The following TTLL11 variants were observed in gnomAD, a reference collection of about 807,000 sequenced individuals.
TTLL11 encodes tubulin polyglutamylase TTLL11.
In TTLL11, 42 loss-of-function variants were observed where a neutral mutation model predicts 51.7. That is an observed-to-expected ratio of 0.81 (90% CI 0.64 to 1.05). TTLL11 has a LOEUF of 1.05. Among genes scored for constraint, TTLL11 ranks in the 50% least tolerant of loss-of-function variants. TTLL11 has a pLI of 0.00. For synonymous variants in TTLL11, 381 were observed against 383.5 expected, an observed-to-expected ratio of 0.99 and a Z score of 0.08; for missense variants, 799 against 940.4, an observed-to-expected ratio of 0.85 and a Z score of 1.97.
intron 8 of TTLL11, among the ~76,000 whole-genome samples, chr9:121,843,953 G>C (rs1411152423): frequency 2.6e-5 from 4 of 152,136 alleles, no homozygotes; most frequent in Admixed American, 2.6e-4. Flanking sequence ...GGATTACTTG[G>C]TGTAAGCCAT....
At chr9:121,926,582 G>A (rs1039849279) in intron 6 of TTLL11, among the ~76,000 whole-genome samples, 8 of 152,218 alleles carry the variant, frequency 5.3e-5, no homozygotes, top group Non-Finnish European at 1.2e-4. Flanking sequence ...TGAGGCTGGG[G>A]AGGACAGCAG....
In TTLL11 at chr9:122,059,526, G is replaced by A. The variant is rs116110505; in HGVS notation, c.463-20158C>T. Among the ~76,000 whole-genome samples, 260 of 152,294 alleles carry A rather than the reference G, an allele frequency of 1.7e-3. 1 individual carries two copies. The highest frequency in any genetic ancestry group is 6.1e-3 in the African/African-American group (252 of 41,556). ...AAATGACTCTAGAGATGAATGAGAT[G>A]CAGCTCTAGCCCTAGAGAAGCTTGA... is the stretch of plus-strand genomic sequence containing the variant. On this transcript the variant is annotated intron_variant, in intron 1 of 8. Coordinates refer to ENST00000321582, the MANE Select transcript of TTLL11 (RefSeq NM_001139442.2).
intron 6 of TTLL11, among the ~76,000 whole-genome samples, chr9:121,895,227 C>G (rs2131454472): frequency 6.6e-6 from 1 of 152,220 alleles, no homozygotes; most frequent in African/African-American, 2.4e-5. Flanking sequence ...TGCTTTGCTG[C>G]AGATAATGTT....
chr9:121,871,236 T>A (rs1030498475), intron 6 of TTLL11, among the ~76,000 whole-genome samples: 50 of 151,976 alleles, frequency 3.3e-4, no homozygotes, highest in African/African-American at 8.7e-4. Flanking sequence ...TTTTTTTTTT[T>A]AAATTTGGAA....
In TTLL11 at chr9:121,822,312, A is replaced by C; in HGVS notation, c.*275T>G. 2 of 254,698 alleles carry C rather than the reference A, an allele frequency of 7.9e-6. No homozygotes were observed. Among genetic ancestry groups the C allele is most frequent in the Non-Finnish European group, 1.5e-5 (2 of 135,094 alleles). 15.8% of individuals were successfully genotyped at this position (254,698 alleles called of 1,614,324 possible). A position where few individuals can be genotyped will look rare whatever the true frequency, so the allele number is the denominator to read the frequency against. On this transcript the variant is annotated 3_prime_UTR_variant, in exon 9 of 9. Transcript: ENST00000321582. The surrounding 1 kb of genome is among the most constrained non-coding windows in gnomAD (Gnocchi z 5.8). ...AGTTGGTGCTTCCTGTGAGCCCAGA[A>C]TAGAAGGTGCCATCTGTCACGTTTT... is the stretch of plus-strand genomic sequence containing the variant.
chr9:122,025,535 G>A (rs1844306029), intron 3 of TTLL11, among the ~76,000 whole-genome samples: 2 of 152,254 alleles, frequency 1.3e-5, no homozygotes, highest in South Asian at 2.1e-4. Flanking sequence ...TGGGAGGATC[G>A]CTTGAGCCTG....
chr9:121,969,009 A>T (rs1169723568), intron 6 of TTLL11, among the ~76,000 whole-genome samples: 1 of 151,896 alleles, frequency 6.6e-6, no homozygotes, highest in Non-Finnish European at 1.5e-5. Context: ...AGCTGGGATT[A>T]TAGGCATGCA....
chr9:121,988,830 C>T (rs1843006689), intron 4 of TTLL11: 6 of 347,020 alleles, frequency 1.7e-5, no homozygotes, highest in South Asian at 6.7e-5. Context: ...AATGTCTGAC[C>T]GCTACTAAGC....
chr9:121,856,530 T>C (rs1178201319), intron 8 of TTLL11, among the ~76,000 whole-genome samples: 1 of 152,122 alleles, frequency 6.6e-6, no homozygotes, highest in Non-Finnish European at 1.5e-5. Flanking sequence ...CTCACATAAA[T>C]GTTCAGTAAA....
chr9:121,829,986 G>A (rs1836950785), intron 8 of TTLL11, among the ~76,000 whole-genome samples: 1 of 152,148 alleles, frequency 6.6e-6, no homozygotes, highest in Admixed American at 6.5e-5. Context: ...TCTCTCTAAT[G>A]AGACTCTGCT....
chr9:121,940,606 G>C (rs1841416273), intron 6 of TTLL11, among the ~76,000 whole-genome samples: 1 of 152,042 alleles, frequency 6.6e-6, no homozygotes, highest in South Asian at 2.1e-4. Flanking sequence ...CCAAAGTGCT[G>C]GGATTACAGG....
chr9:122,031,555 A>T (rs1382025081), intron 3 of TTLL11, among the ~76,000 whole-genome samples, 168 bp downstream of exon 3: 1 of 151,822 alleles, frequency 6.6e-6, no homozygotes, highest in Non-Finnish European at 1.5e-5. Context: ...TACTCGTTCA[A>T]CTCTGCAAGC....
intron 1 of TTLL11, chr9:122,040,278 T>C: frequency 3.4e-6 from 3 of 890,016 alleles, no homozygotes; most frequent in Non-Finnish European, 4.0e-6. Flanking sequence ...GCCTGTAAGA[T>C]AGCCTTGTAT....
Position 121,818,242 on chromosome 9 carries a change from A to T in TTLL11, c.*4345T>A, listed in dbSNP as rs1243080994. 1 of 152,296 alleles carries T rather than the reference A, an allele frequency of 6.6e-6. No homozygotes were observed. The highest frequency in any genetic ancestry group is 1.5e-5 in the Non-Finnish European group (1 of 68,138). 9.4% of individuals were successfully genotyped at this position (152,296 alleles called of 1,614,324 possible). On this transcript the variant is annotated 3_prime_UTR_variant, in exon 9 of 9. Coordinates refer to ENST00000321582, the MANE Select transcript of TTLL11 (RefSeq NM_001139442.2). ...CCTGGCCACAAAGGGCCATGGAGAG[A>T]CACCTAGAGTCGGAGGAGCTATTAT... is the stretch of plus-strand genomic sequence containing the variant.
chr9:121,863,027 T>C (rs1345552672), intron 7 of TTLL11, among the ~76,000 whole-genome samples: 1 of 152,160 alleles, frequency 6.6e-6, no homozygotes, highest in Non-Finnish European at 1.5e-5. Flanking sequence ...GCACACTTTC[T>C]TGCCCCCTTC....
At chr9:122,012,700 ACAC>A (rs896899119) in intron 3 of TTLL11, among the ~76,000 whole-genome samples, 4 of 151,848 alleles carry the variant, frequency 2.6e-5, no homozygotes, top group African/African-American at 4.8e-5. Flanking sequence ...ACACACACAC[ACAC>A]CAAGTTAAGC....
intron 4 of TTLL11, among the ~76,000 whole-genome samples, chr9:121,975,646 A>G (rs1842688516): frequency 6.6e-6 from 1 of 152,200 alleles, no homozygotes; most frequent in Non-Finnish European, 1.5e-5. Flanking sequence ...CAGGAGGTGG[A>G]GGTTGCAGTG....
chr9:121,902,586 C>T (rs1464420357), intron 6 of TTLL11, among the ~76,000 whole-genome samples: 1 of 151,788 alleles, frequency 6.6e-6, no homozygotes, highest in Admixed American at 6.6e-5. Flanking sequence ...GAGTTTCTAC[C>T]GAGTTGTTTT....
intron 8 of TTLL11, among the ~76,000 whole-genome samples, chr9:121,842,138 G>A (rs1339733838): frequency 6.6e-6 from 1 of 152,184 alleles, no homozygotes; most frequent in African/African-American, 2.4e-5. Flanking sequence ...GGCTGGGGAT[G>A]TAGAAAGTCA....
Sources: gnomAD v4.1 joint callset for allele counts (sites outside exome capture counted in the v4.1 genomes callset) on GRCh38, gnomAD v4.1.1 for gene constraint, Gnocchi (gnomAD v3.1) non-coding constraint, MANE v1.5 for transcripts, NCBI Gene and HGNC (gene_info 2026-07-23, HGNC 2026-07-21) for gene names.